MYH10: variants seen among roughly 807,000 people sequenced by gnomAD.
MYH10 encodes myosin heavy chain 10.
MYH10 carries 55 observed loss-of-function variants against 257.8 expected under a neutral mutation model. The observed-to-expected ratio is 0.21, with a 90% CI of 0.17 to 0.27. The LOEUF is 0.27. Among genes scored for constraint, MYH10 ranks in the 10% least tolerant of loss-of-function variants. MYH10 has a pLI of 1.00. For missense variants in MYH10, 1,631 were observed against 2,500.6 expected (o/e 0.65, Z 7.42); for synonymous variants, 854 against 921.7 (o/e 0.93, Z 1.33).
rs1460264795 is a variant in MYH10, at chr17:8,615,805, T to C, written c.345+7097A>G. Among the ~76,000 whole-genome samples, 4 of 152,314 alleles carry C rather than the reference T, an allele frequency of 2.6e-5. No homozygotes were observed. The East Asian group carries it at 7.7e-4, about 29-fold the overall frequency. Reference sequence around the variant, plus strand: ...TTCAGGAATACGAGAAAATCTCCCTTAATCTGATAAAGAATCAGTATTTAA... The same window carrying C: ...TTCAGGAATACGAGAAAATCTCCCTCAATCTGATAAAGAATCAGTATTTAA... On this transcript the variant is annotated intron_variant, in intron 2 of 42. Transcript: ENST00000360416.
chr17:8,524,721 A>G (rs889774670), intron 17 of MYH10, among the ~76,000 whole-genome samples: 11 of 152,156 alleles, frequency 7.2e-5, no homozygotes, highest in Admixed American at 7.2e-4. Flanking sequence ...CCGTAGTGCT[A>G]CATGTTTCCT....
intron 19 of MYH10, 99 bp downstream of exon 19, chr17:8,520,779 T>C: frequency 2.3e-6 from 3 of 1,330,056 alleles, no homozygotes. Context: ...ACAAACTATG[T>C]AGGGGACAAG....
Position 8,487,430 on chromosome 17 carries a change from T to A in MYH10, c.5046+3A>T. The A allele has an allele frequency of 6.2e-7, 1 of 1,614,060 alleles. No individual in the cohort carries two copies. The highest frequency in any genetic ancestry group is 8.5e-7 in the Non-Finnish European group (1 of 1,180,034). ...CAGAGACTCCATGGGTGAAGGCACA[T>A]ACCTGGAGCTTGCGGAGCTGCTTAA... On this transcript the variant is annotated splice_donor_region_variant and intron_variant, in intron 36 of 42. Transcript: ENST00000360416.
intron 1 of MYH10, among the ~76,000 whole-genome samples, chr17:8,626,961 A>C (rs2085706139): frequency 1.3e-5 from 2 of 152,224 alleles, no homozygotes; most frequent in South Asian, 4.1e-4. Flanking sequence ...GTCTAGAAGC[A>C]GTAGATTATA....
chr17:8,550,402 C>G (rs1206846727), intron 9 of MYH10, among the ~76,000 whole-genome samples: 1 of 148,318 alleles, frequency 6.7e-6, no homozygotes, highest in Non-Finnish European at 1.5e-5. Flanking sequence ...AGGTGAGGAG[C>G]ATCTCTGCCC....
intron 26 of MYH10, among the ~76,000 whole-genome samples, chr17:8,508,341 G>C (rs530442055): frequency 6.6e-6 from 1 of 152,246 alleles, no homozygotes; most frequent in South Asian, 2.1e-4. Context: ...GGCCTCATGA[G>C]ATCCTCCTGC....
chr17:8,602,487 C>T (rs1406419841), intron 3 of MYH10, among the ~76,000 whole-genome samples: 2 of 152,200 alleles, frequency 1.3e-5, no homozygotes, highest in Non-Finnish European at 2.9e-5. Flanking sequence ...GTGAGCTTTA[C>T]CAGCAATGCT....
rs1241482820 is a variant in MYH10, at chr17:8,474,298, T to C, written c.*1506A>G. On this transcript the variant is annotated 3_prime_UTR_variant, in exon 43 of 43. Transcript: ENST00000360416. ...AGTAAACAGAGCAGGCGCAAATATC[T>C]ATAATGAATAAATTTATTGTCTTAC... 1 of 152,628 alleles carries C rather than the reference T, an allele frequency of 6.6e-6. No individual in the cohort carries two copies. The highest frequency in any genetic ancestry group is 1.5e-5 in the Non-Finnish European group (1 of 68,036). 9.5% of individuals were successfully genotyped at this position (152,628 alleles called of 1,614,324 possible). A position where few individuals can be genotyped will look rare whatever the true frequency, so the allele number is the denominator to read the frequency against.
At chr17:8,499,766 C>T (rs1917231537) in intron 29 of MYH10, among the ~76,000 whole-genome samples, 1 of 152,198 alleles carries the variant, frequency 6.6e-6, no homozygotes, top group African/African-American at 2.4e-5. Context: ...AGTCATCACT[C>T]ACACTGTCCT....
At chr17:8,496,489 T>A (rs1406951075) in intron 30 of MYH10, among the ~76,000 whole-genome samples, 10 of 152,160 alleles carry the variant, frequency 6.6e-5, no homozygotes, top group African/African-American at 2.4e-4. Context: ...TCTTTGAGCC[T>A]CAGGTTCCTC....
At chr17:8,503,860 G>A (rs1289073575) in intron 28 of MYH10, among the ~76,000 whole-genome samples, 1 of 152,086 alleles carries the variant, frequency 6.6e-6, no homozygotes, top group Non-Finnish European at 1.5e-5. Context: ...CAAGGCACGA[G>A]GGTTCCCTTC....
intron 3 of MYH10, among the ~76,000 whole-genome samples, chr17:8,599,853 C>T (rs12948349): frequency 0.25 from 37,282 of 152,144 alleles, 5,476 homozygotes; most frequent in Admixed American, 0.35. Context: ...CTAGGTAAGA[C>T]CAGCCTTTGA....
chr17:8,475,890 C>T lies in MYH10; in HGVS notation c.5938G>A (p.Glu1980Lys). Reference sequence around the variant, plus strand: ...TCGGAGAGCTCCAGGGAAGCTCCTTCAAGGTGCAGCTGGCGCCGGCCAGAT... The same window carrying T: ...TCGGAGAGCTCCAGGGAAGCTCCTTTAAGGTGCAGCTGGCGCCGGCCAGAT... ...SRSGRRQLHL[E>K]GASLELSDDD... is the part of the protein sequence containing the mutation. The change falls in exon 43 of 43, where the codon GAA (glutamate) becomes AAA (lysine). Residue 1980 changes from glutamate (E) to lysine (K), a missense_variant. By Grantham distance (56) the Glu-to-Lys change is moderately conservative. This residue lies in a region of MYH10 where 343 missense variants were observed against 389.5 expected (regional missense o/e 0.88). Transcript: ENST00000360416. The T allele has an allele frequency of 6.2e-7, 1 of 1,614,224 alleles. No individual in the cohort carries two copies. Among genetic ancestry groups the T allele is most frequent in the Non-Finnish European group, 8.5e-7 (1 of 1,180,050 alleles).
At chr17:8,518,439 G>C (rs1204150432) in intron 21 of MYH10, among the ~76,000 whole-genome samples, 192 bp downstream of exon 21, 1 of 152,026 alleles carries the variant, frequency 6.6e-6, no homozygotes, top group East Asian at 1.9e-4. Context: ...CAGCCTCCTT[G>C]TGTGTTTTTG....
At chr17:8,543,675 T>C (rs1489654309) in intron 13 of MYH10, among the ~76,000 whole-genome samples, 3 of 152,188 alleles carry the variant, frequency 2.0e-5, no homozygotes, top group Non-Finnish European at 2.9e-5. Flanking sequence ...GGTTTCACCA[T>C]CTTGGACAGG....
chr17:8,567,552 G>C (rs2083202461), intron 7 of MYH10, among the ~76,000 whole-genome samples: 1 of 152,128 alleles, frequency 6.6e-6, no homozygotes, highest in South Asian at 2.1e-4. Context: ...ATTAGGAAGA[G>C]GGTCTTTAAA....
intron 14 of MYH10, among the ~76,000 whole-genome samples, chr17:8,538,145 G>A (rs555539595): frequency 2.0e-5 from 3 of 152,322 alleles, no homozygotes; most frequent in South Asian, 2.1e-4. Flanking sequence ...ACAGGCTGTC[G>A]TTAAATTCCC....
intron 2 of MYH10, among the ~76,000 whole-genome samples, chr17:8,605,846 G>A (rs1330879120): frequency 6.6e-6 from 1 of 152,100 alleles, no homozygotes; most frequent in Non-Finnish European, 1.5e-5. Context: ...TACCCAAAAT[G>A]ACATGTTATA....
rs539187098 is a variant in MYH10, at chr17:8,603,260, T to A, written c.502+1566A>T. ...CATCCCACCTCTTCAAGTATGCTGA[T>A]AAAAATATTAAAAGGGGGCACACAC... On this transcript the variant is annotated intron_variant, in intron 3 of 42. Coordinates refer to ENST00000360416, the MANE Select transcript of MYH10 (RefSeq NM_001256012.3). Among the ~76,000 whole-genome samples, 5 of 152,318 alleles carry A rather than the reference T, an allele frequency of 3.3e-5. No individual in the cohort carries two copies. The South Asian group carries it at 1.0e-3, about 32-fold the overall frequency.
Sources: gnomAD v4.1 joint callset for allele counts (sites outside exome capture counted in the v4.1 genomes callset) on GRCh38, gnomAD v4.1.1 for gene constraint, gnomAD v4.1.1 regional missense constraint, MANE v1.5 for transcripts, NCBI Gene and HGNC (gene_info 2026-07-23, HGNC 2026-07-21) for gene names.